EXOC6B: variants seen among roughly 807,000 people sequenced by gnomAD.
The protein encoded by EXOC6B is exocyst complex component 6B, also known as SEC15 homolog B.
EXOC6B carries 54 observed loss-of-function variants against 113.5 expected under a neutral mutation model. The ratio of observed to expected loss-of-function variants is 0.48; its 90% CI spans 0.38 to 0.60. The LOEUF (loss-of-function observed/expected upper bound fraction) is 0.60, where lower values mean the gene tolerates loss of function less well. EXOC6B is among the 20% of genes least tolerant of loss of function. The probability of loss-of-function intolerance (pLI) is 0.00; values close to 1 mark genes in which losing one functional copy is unlikely to be tolerated. For missense variants in EXOC6B, 797 were observed against 977.5 expected, an observed-to-expected ratio of 0.82 and a Z score of 2.46; for synonymous variants, 357 against 339.0, an observed-to-expected ratio of 1.05 and a Z score of -0.58.
At chr2:72,330,559 C>G (rs1688363866) in intron 20 of EXOC6B, among the ~76,000 whole-genome samples, 2 of 152,098 alleles carry the variant, frequency 1.3e-5, no homozygotes, top group South Asian at 4.1e-4. Flanking sequence ...CAATGCTTGA[C>G]TTTCAGTGTG....
At chr2:72,715,022 T>A (rs2104704681) in intron 6 of EXOC6B, among the ~76,000 whole-genome samples, 1 of 152,154 alleles carries the variant, frequency 6.6e-6, no homozygotes, top group East Asian at 1.9e-4. Flanking sequence ...ATCCTAGCAC[T>A]TTGGGAGGCC....
intron 1 of EXOC6B, among the ~76,000 whole-genome samples, chr2:72,771,688 TGA>T: frequency 6.6e-6 from 1 of 152,298 alleles, no homozygotes; most frequent in South Asian, 2.1e-4. Context: ...TAAAAATTAC[TGA>T]GAGCCTGGAT....
intron 6 of EXOC6B, among the ~76,000 whole-genome samples, chr2:72,605,450 A>G (rs1347978843): frequency 6.6e-6 from 1 of 152,268 alleles, no homozygotes; most frequent in Admixed American, 6.5e-5. Flanking sequence ...TCTTGATTAT[A>G]TAATTGTCCT....
intron 6 of EXOC6B, among the ~76,000 whole-genome samples, chr2:72,658,286 T>TAAAAAAAAAAAAAAAAAAAAAA (rs60572283): frequency 1.7e-5 from 1 of 58,726 alleles, no homozygotes; most frequent in African/African-American, 7.4e-5. Context: ...TAAAAACTAG[T>TAAAAAAAAAAAAAAAAAAAAAA]AAAAAAAAAA....
At chr2:72,251,071 G>T (rs1553472424) in intron 20 of EXOC6B, among the ~76,000 whole-genome samples, 1 of 152,044 alleles carries the variant, frequency 6.6e-6, no homozygotes, top group Non-Finnish European at 1.5e-5. Flanking sequence ...CACGTAATCT[G>T]CCCCCCTTGG....
chr2:72,562,253 G>A (rs1703931251), intron 7 of EXOC6B, among the ~76,000 whole-genome samples: 1 of 152,100 alleles, frequency 6.6e-6, no homozygotes, highest in Non-Finnish European at 1.5e-5. Flanking sequence ...GAATGCTACA[G>A]GTTTGGAAGA....
intron 6 of EXOC6B, among the ~76,000 whole-genome samples, chr2:72,642,085 C>T (rs1484972331): frequency 6.6e-6 from 1 of 152,164 alleles, no homozygotes; most frequent in Admixed American, 6.5e-5. Context: ...ATCTGTAGGT[C>T]ACCAGCATCA....
chr2:72,404,632 C>G (rs1693596067), intron 18 of EXOC6B, among the ~76,000 whole-genome samples: 1 of 152,192 alleles, frequency 6.6e-6, no homozygotes, highest in African/African-American at 2.4e-5. Flanking sequence ...CTCCAACAGA[C>G]CTGCAGCTGA....
Position 72,508,855 on chromosome 2 carries a change from T to C in EXOC6B, c.1167+4277A>G, listed in dbSNP as rs145419452. On this transcript the variant is annotated intron_variant, in intron 11 of 21. Transcript: ENST00000272427. ...ACAATGTCAGATACAATAATCACAA[T>C]GTTGTATTGATTCAAGGAGCGAGAA... Among the ~76,000 whole-genome samples, 423 of 152,208 alleles carry C rather than the reference T, an allele frequency of 2.8e-3. 4 individuals are homozygous for C. Among genetic ancestry groups the C allele is most frequent in the African/African-American group, 8.9e-3 (369 of 41,548 alleles).
At chr2:72,337,839 C>T (rs1255865277) in intron 19 of EXOC6B, among the ~76,000 whole-genome samples, 2 of 152,102 alleles carry the variant, frequency 1.3e-5, no homozygotes, top group African/African-American at 4.8e-5. Context: ...ATAGCAAACT[C>T]CTTAGGGATA....
rs143975356 is a variant in EXOC6B, at chr2:72,555,716, G to A, written c.915+3737C>T. Among the ~76,000 whole-genome samples the A allele has an allele frequency of 1.6e-4, 25 of 152,060 alleles. No individual in the cohort carries two copies. In the East Asian group the frequency reaches 4.1e-3, roughly 25 times the overall value. The stretch of plus-strand genomic sequence containing the variant: ...GGCTGGAGTGCAGTAGCATGATCTC[G>A]GCTCACTACAACCTCCACATCCCAG... On this transcript the variant is annotated intron_variant, in intron 8 of 21. Transcript: ENST00000272427.
chr2:72,368,686 C>A (rs945344898), intron 19 of EXOC6B, among the ~76,000 whole-genome samples: 1 of 152,180 alleles, frequency 6.6e-6, no homozygotes, highest in Non-Finnish European at 1.5e-5. Flanking sequence ...GGGCTTCATC[C>A]CTGGGATGCA....
At chr2:72,653,598 A>ACCC (rs57876583) in intron 6 of EXOC6B, among the ~76,000 whole-genome samples, 1,622 of 132,726 alleles carry the variant, frequency 0.012, 28 homozygotes, top group African/African-American at 0.026. Context: ...ATTGCCAGCA[A>ACCC]CCCCCCCCCA....
intron 20 of EXOC6B, among the ~76,000 whole-genome samples, chr2:72,292,584 A>G (rs1005188436): frequency 2.6e-5 from 4 of 151,912 alleles, no homozygotes; most frequent in Non-Finnish European, 5.9e-5. Flanking sequence ...ATAAAAGTTT[A>G]TCACATGTGT....
intron 7 of EXOC6B, among the ~76,000 whole-genome samples, chr2:72,564,847 A>G (rs1308353551): frequency 1.3e-5 from 2 of 152,192 alleles, no homozygotes; most frequent in Non-Finnish European, 2.9e-5. Context: ...CCTATCCTAA[A>G]AAAGCACAAA....
At chr2:72,671,777 AAG>A (rs1381830234) in intron 6 of EXOC6B, among the ~76,000 whole-genome samples, 3 of 118,006 alleles carry the variant, frequency 2.5e-5, no homozygotes, top group African/African-American at 1.2e-4. Context: ...GAAAGAAAGA[AAG>A]AAAGAAAGAA....
chr2:72,445,525 A>C (rs1696519584), intron 18 of EXOC6B, among the ~76,000 whole-genome samples: 2 of 152,330 alleles, frequency 1.3e-5, no homozygotes, highest in African/African-American at 4.8e-5. Flanking sequence ...TACAAAAGAA[A>C]GAGATTTAAT....
chr2:72,593,065 C>T (rs1358026893), intron 6 of EXOC6B, among the ~76,000 whole-genome samples: 2 of 152,024 alleles, frequency 1.3e-5, no homozygotes, highest in Admixed American at 1.3e-4. Flanking sequence ...CCAAAAAAAC[C>T]GTAAACAACA....
intron 20 of EXOC6B, among the ~76,000 whole-genome samples, chr2:72,197,752 C>A (rs943305150): frequency 6.6e-6 from 1 of 152,032 alleles, no homozygotes; most frequent in Admixed American, 6.6e-5. Context: ...GATCACAAGG[C>A]AGGTTTTTCA....
Sources: gnomAD v4.1 joint callset for allele counts (sites outside exome capture counted in the v4.1 genomes callset) on GRCh38, gnomAD v4.1.1 for gene constraint, MANE v1.5 for transcripts, NCBI Gene and HGNC (gene_info 2026-07-23, HGNC 2026-07-21) for gene names.